The following PDE4D variants were observed in gnomAD, a reference collection of about 807,000 sequenced individuals.
PDE4D encodes the protein 3',5'-cyclic-AMP phosphodiesterase 4D.
Under a neutral mutation model 87.4 loss-of-function variants are expected in PDE4D, and 24 were observed. The observed-to-expected ratio is 0.27, with a 90% CI of 0.20 to 0.39. The LOEUF is 0.39. Among genes scored for constraint, PDE4D ranks in the 10% least tolerant of loss-of-function variants. The pLI is 1.00. For missense variants in PDE4D, 714 were observed against 1,041.0 expected (o/e 0.69, Z 4.32); for synonymous variants, 384 against 383.2 (o/e 1.00, Z -0.02).
At chr5:59,443,625 G>T (rs1483482100) in intron 1 of PDE4D, among the ~76,000 whole-genome samples, 1 of 152,080 alleles carries the variant, frequency 6.6e-6, no homozygotes, top group Non-Finnish European at 1.5e-5. Flanking sequence ...TTTATTTAAC[G>T]TGATTATTTT....
intron 1 of PDE4D, among the ~76,000 whole-genome samples, chr5:59,563,516 C>T (rs1820396687): frequency 6.6e-6 from 1 of 152,194 alleles, no homozygotes; most frequent in Non-Finnish European, 1.5e-5. Flanking sequence ...TATAAGTGAC[C>T]ATTAGTGAGT....
intron 1 of PDE4D, among the ~76,000 whole-genome samples, chr5:59,279,494 A>G (rs912346800): frequency 6.6e-6 from 1 of 152,042 alleles, no homozygotes; most frequent in African/African-American, 2.4e-5. Context: ...TTGGAGCTAC[A>G]TTTCTTAATT....
At chr5:60,222,539 T>A (rs1037508849) in intron 1 of PDE4D, among the ~76,000 whole-genome samples, 3 of 152,182 alleles carry the variant, frequency 2.0e-5, no homozygotes, top group African/African-American at 4.8e-5. Flanking sequence ...ATAGGGTAGA[T>A]GTACATTCAA....
At chr5:59,761,368 T>A (rs893305292) in intron 1 of PDE4D, among the ~76,000 whole-genome samples, 6 of 152,090 alleles carry the variant, frequency 3.9e-5, no homozygotes, top group African/African-American at 1.4e-4. Flanking sequence ...TTTATAAATA[T>A]TTTTATTTCT....
intron 1 of PDE4D, among the ~76,000 whole-genome samples, chr5:59,319,796 T>A (rs1237447343): frequency 6.6e-6 from 1 of 152,148 alleles, no homozygotes; most frequent in African/African-American, 2.4e-5. Flanking sequence ...GTTCTGAAAT[T>A]GTTTCTACAA....
intron 2 of PDE4D, among the ~76,000 whole-genome samples, chr5:60,096,064 C>G (rs1227193693): frequency 4.6e-5 from 7 of 152,004 alleles, no homozygotes; most frequent in Non-Finnish European, 8.8e-5. Context: ...TCTGATGATA[C>G]TTTCTTTTGC....
chr5:59,128,000 C>G (rs1775713747), intron 5 of PDE4D, among the ~76,000 whole-genome samples: 1 of 143,094 alleles, frequency 7.0e-6, no homozygotes, highest in African/African-American at 2.6e-5. Context: ...TCCTCCGTGT[C>G]TGAGCTTTCA....
chr5:59,732,121 C>G (rs1473240480), intron 1 of PDE4D, among the ~76,000 whole-genome samples: 1 of 151,968 alleles, frequency 6.6e-6, no homozygotes, highest in Admixed American at 6.6e-5. Context: ...AAATAATTCC[C>G]ATTTGACATT....
At chr5:59,268,067 T>C (rs1192773762) in intron 1 of PDE4D, among the ~76,000 whole-genome samples, 1 of 152,064 alleles carries the variant, frequency 6.6e-6, no homozygotes, top group Non-Finnish European at 1.5e-5. Context: ...TATTGGTCTC[T>C]GTATAATCTC....
At chr5:59,426,526 C>T (rs781327648) in intron 1 of PDE4D, among the ~76,000 whole-genome samples, 111 of 152,002 alleles carry the variant, frequency 7.3e-4, no homozygotes, top group Non-Finnish European at 1.5e-3. Context: ...AGCTGCATCA[C>T]CAGAAAGAGG....
rs569715260 is a variant in PDE4D, at chr5:60,246,413, C to T, written c.-89-60726G>A. ...CTTCCTGTGCTCTCCTTCTAGAAGG[C>T]CTATGAAACATATATTGAATCTTAT... On this transcript the variant is annotated intron_variant, in intron 1 of 16. Coordinates refer to the PDE4D transcript ENST00000502484. Among the ~76,000 whole-genome samples, 3 of 151,784 alleles carry T rather than the reference C, an allele frequency of 2.0e-5. No individual in the cohort carries two copies. The South Asian group carries it at 6.2e-4, about 31-fold the overall frequency.
chr5:60,215,107 A>G (rs1447086397), intron 1 of PDE4D, among the ~76,000 whole-genome samples: 1 of 152,200 alleles, frequency 6.6e-6, no homozygotes, highest in Non-Finnish European at 1.5e-5. Flanking sequence ...AGAGAGCAGT[A>G]TGATTCACTC....
At chr5:59,426,478 G>T (rs370810131) in intron 1 of PDE4D, among the ~76,000 whole-genome samples, 1 of 152,010 alleles carries the variant, frequency 6.6e-6, no homozygotes, top group East Asian at 1.9e-4. Context: ...CCTACCTAAA[G>T]GATTTAGAAA....
At chr5:59,725,319 G>T (rs1756444842) in intron 1 of PDE4D, among the ~76,000 whole-genome samples, 1 of 152,064 alleles carries the variant, frequency 6.6e-6, no homozygotes, top group Non-Finnish European at 1.5e-5. Context: ...TGCTGGGCCT[G>T]TAGCACTGGG....
At chr5:59,081,975 T>A (rs1302174935) in intron 5 of PDE4D, among the ~76,000 whole-genome samples, 1 of 152,152 alleles carries the variant, frequency 6.6e-6, no homozygotes, top group Non-Finnish European at 1.5e-5. Context: ...TTATATAAGC[T>A]TCTGGAATTT....
intron 1 of PDE4D, among the ~76,000 whole-genome samples, chr5:60,403,193 C>G (rs1349445902): frequency 6.6e-6 from 1 of 152,198 alleles, no homozygotes; most frequent in Admixed American, 6.5e-5. Context: ...GGACCAAAAC[C>G]ATGGCACACA....
chr5:59,190,177 T>G (rs933739115), intron 3 of PDE4D, among the ~76,000 whole-genome samples: 7 of 152,152 alleles, frequency 4.6e-5, no homozygotes, highest in Non-Finnish European at 8.8e-5. Context: ...GAGATGGATT[T>G]GGGAGGGGAT....
chr5:60,054,676 T>C (rs1468630764), intron 2 of PDE4D, among the ~76,000 whole-genome samples: 2 of 135,796 alleles, frequency 1.5e-5, no homozygotes, highest in African/African-American at 5.1e-5. Flanking sequence ...AATTAAAGTA[T>C]AATAAAAAAA....
intron 5 of PDE4D, among the ~76,000 whole-genome samples, chr5:59,128,198 G>A (rs1473011432): frequency 3.3e-5 from 5 of 151,984 alleles, no homozygotes; most frequent in African/African-American, 1.2e-4. Context: ...CTCACTCTCT[G>A]GATCAGAACC....
Sources: allele counts gnomAD v4.1 joint callset (sites outside exome capture counted in the v4.1 genomes callset), GRCh38; gene constraint gnomAD v4.1.1; transcripts MANE v1.5; gene names NCBI Gene and HGNC (gene_info 2026-07-23, HGNC 2026-07-21).